The following TULP2 variants were observed in gnomAD, a reference collection of about 807,000 sequenced individuals.
TULP2 encodes the protein TUB like protein 2.
In TULP2, 64 loss-of-function variants were observed where a neutral mutation model predicts 60.3. The observed-to-expected ratio is 1.06, with a 90% CI of 0.87 to 1.31. The LOEUF (loss-of-function observed/expected upper bound fraction) is 1.31. TULP2 is among the 50% of genes most tolerant of loss of function. The pLI is 0.00. For synonymous variants in TULP2, 267 were observed against 265.4 expected (o/e 1.01, Z -0.06); for missense variants, 652 against 667.0 (o/e 0.98, Z 0.25).
rs951527620 is a variant in TULP2 at position 48,896,446 on chromosome 19, G to A, written c.195C>T (p.Arg65=). The A allele has an allele frequency of 1.2e-6, 2 of 1,609,222 alleles. No homozygotes were observed. The highest frequency in any genetic ancestry group is 1.7e-6 in the Non-Finnish European group (2 of 1,178,486). Residue 65 remains arginine (R), a synonymous_variant, in exon 4 of 13, where the codon CGC becomes CGT. Coordinates refer to ENST00000221399, the MANE Select transcript of TULP2 (RefSeq NM_003323.3). ...WLWRSCLREE[R]LLGDRGLGNP... The stretch of plus-strand genomic sequence containing the variant: ...TTTGGTCACCTCTGTCACCTAAAAG[G>A]CGCTCCTCCCGCAGACAAGAGCGCC...
chr19:48,884,366 C>T (rs1178006091), intron 9 of TULP2, among the ~76,000 whole-genome samples: 1 of 152,076 alleles, frequency 6.6e-6, no homozygotes, highest in Non-Finnish European at 1.5e-5. Context: ...ATCACCTGAG[C>T]CCCAGAGGTC....
At chr19:48,887,042 G>A (rs1342391776) in intron 8 of TULP2, among the ~76,000 whole-genome samples, 3 of 131,600 alleles carry the variant, frequency 2.3e-5, no homozygotes, top group East Asian at 2.2e-4. Flanking sequence ...ATGGAGTTTC[G>A]CTCTTTCACC....
intron 1 of TULP2, among the ~76,000 whole-genome samples, 164 bp from the exon 2 acceptor site, chr19:48,898,033 C>T (rs910007971): frequency 4.6e-5 from 7 of 151,944 alleles, no homozygotes; most frequent in Admixed American, 2.0e-4. Context: ...AGTGCAGTGG[C>T]GCCATCTCGG....
intron 5 of TULP2, 21 bp from the exon 6 acceptor site, chr19:48,895,183 G>A: frequency 1.2e-6 from 2 of 1,609,960 alleles, no homozygotes; most frequent in South Asian, 1.1e-5. Context: ...AAGGAGGGGA[G>A]AGTTGGATTT....
chr19:48,896,548 C>G lies in TULP2; in HGVS notation c.93G>C (p.Leu31=), dbSNP rs2037283985. 6.2e-7 allele frequency: 1 copy of G among 1,601,266 alleles called. No homozygotes were observed. The highest frequency in any genetic ancestry group is 8.5e-7 in the Non-Finnish European group (1 of 1,174,096). ...RLQKLEQQRR[L]FEKKQRQKRQ... is the part of the protein sequence containing the mutation. The stretch of plus-strand genomic sequence containing the variant: ...GCTTCTGTCGCTGCTTCTTTTCAAA[C>G]AGCCGCCGCTGGGGAGATGGGAGAG... The change falls in exon 4 of 13, where the codon CTG becomes CTC. Residue 31 remains leucine, a synonymous_variant. Coordinates refer to ENST00000221399, the MANE Select transcript of TULP2 (RefSeq NM_003323.3).
chr19:48,889,354 G>A lies in TULP2; in HGVS notation c.636+156C>T, dbSNP rs141578906. On this transcript the variant is annotated intron_variant, in intron 7 of 12. Transcript: ENST00000221399. ...GGTACACACACACACATGCACGCAC[G>A]CACGCACGCACGCACACACACAAGT... Among the ~76,000 whole-genome samples, 137 of 152,024 alleles carry A rather than the reference G, an allele frequency of 9.0e-4. No homozygotes were observed. In the Middle Eastern group the frequency reaches 0.014, roughly 15 times the overall value.
rs759406915 is a variant in TULP2 at position 48,887,913 on chromosome 19, G to A, written c.948+37C>T. 4 of 1,585,824 alleles carry A rather than the reference G, an allele frequency of 2.5e-6. No homozygotes were observed. The Admixed American group carries it at 6.8e-5, about 27-fold the overall frequency. ...AGTGGGATTTTGCCTGGGAGGTGGG[G>A]GCTTACTCCCAAAGCTGTTGGGCTG... On this transcript the variant is annotated intron_variant, in intron 8 of 12. Coordinates refer to ENST00000221399, the MANE Select transcript of TULP2 (RefSeq NM_003323.3).
At chr19:48,887,345 T>TTTTTTTTTTTTTTTTTTTTTTG in intron 8 of TULP2, among the ~76,000 whole-genome samples, 1 of 91,900 alleles carries the variant, frequency 1.1e-5, no homozygotes, top group Non-Finnish European at 2.0e-5. Flanking sequence ...TTTTTTTTTA[T>TTTTTTTTTTTTTTTTTTTTTTG]GCAGAGTCTA....
chr19:48,892,228 G>A lies in TULP2; in HGVS notation c.515-2597C>T, dbSNP rs918882977. 2.0e-5 allele frequency among the ~76,000 whole-genome samples: 3 copies of A among 152,370 alleles called. No individual in the cohort carries two copies. In the South Asian group the frequency reaches 6.2e-4, roughly 32 times the overall value. On this transcript the variant is annotated intron_variant, in intron 6 of 12. Coordinates refer to ENST00000221399, the MANE Select transcript of TULP2 (RefSeq NM_003323.3). The stretch of plus-strand genomic sequence containing the variant: ...TCCCTTCCCACGAGGCCATATCTCA[G>A]GCTGTCTCAGTCGGGGAAATCCTGG...
intron 6 of TULP2, among the ~76,000 whole-genome samples, chr19:48,893,696 G>A (rs911115213): frequency 1.3e-5 from 2 of 152,034 alleles, no homozygotes; most frequent in African/African-American, 4.8e-5. Context: ...TAGGATTACA[G>A]GTGCATGCCA....
chr19:48,888,949 C>G (rs2037208074), intron 7 of TULP2, among the ~76,000 whole-genome samples: 1 of 149,442 alleles, frequency 6.7e-6, no homozygotes, highest in South Asian at 2.1e-4. Context: ...GATCAGTGTT[C>G]TGCCCTTTCT....
intron 6 of TULP2, among the ~76,000 whole-genome samples, chr19:48,890,621 G>A (rs1170495454): frequency 6.6e-6 from 1 of 152,148 alleles, no homozygotes; most frequent in African/African-American, 2.4e-5. Flanking sequence ...AAGAAGCCTG[G>A]ACTAAGCTCA....
intron 10 of TULP2, 26 bp downstream of exon 10, chr19:48,883,906 C>T (rs1184188051): frequency 1.7e-5 from 28 of 1,613,680 alleles, no homozygotes; most frequent in Non-Finnish European, 2.3e-5. Flanking sequence ...TATCCTACCC[C>T]ATTCTCTCAT....
rs148545890 is a variant in TULP2 at position 48,897,119 on chromosome 19, A to G, written c.84+226T>C. Among the ~76,000 whole-genome samples, 1,705 of 152,010 alleles carry G rather than the reference A, an allele frequency of 0.011. 24 individuals carry two copies. The highest frequency in any genetic ancestry group is 0.038 in the African/African-American group (1,594 of 41,478). On this transcript the variant is annotated intron_variant, in intron 3 of 12. Transcript: ENST00000221399. The surrounding 1 kb of genome is among the most constrained non-coding windows in gnomAD (Gnocchi z 4.0). The stretch of plus-strand genomic sequence containing the variant: ...TGGCCAGGCTTGTCTTGAACTCCTG[A>G]CCTCAAGTGATCCGCCCACCTCAGC...
intron 9 of TULP2, 76 bp from the exon 10 acceptor site, chr19:48,884,122 C>T: frequency 8.5e-7 from 1 of 1,176,768 alleles, no homozygotes; most frequent in Non-Finnish European, 1.2e-6. Flanking sequence ...ATCGCATCGA[C>T]TCTTCCCATC....
rs374853026 is a variant in TULP2 at position 48,897,431 on chromosome 19, A to C, written c.33-35T>G. 3.1e-6 allele frequency: 5 copies of C among 1,610,652 alleles called. No individual in the cohort carries two copies. The highest frequency in any genetic ancestry group is 4.2e-6 in the Non-Finnish European group (5 of 1,178,170). ...ACACAGGCCCATGGTGACAGTGCACAGGGAACCTCGGTTGCCCAAGAGAGT... is the reference window on the plus strand; with the variant it reads ...ACACAGGCCCATGGTGACAGTGCACCGGGAACCTCGGTTGCCCAAGAGAGT... On this transcript the variant is annotated intron_variant, in intron 2 of 12. Transcript: ENST00000221399. This position sits in a 1 kb window ranked among gnomAD's most constrained non-coding sequence, Gnocchi z 4.0.
chr19:48,897,851 G>A lies in TULP2; in HGVS notation c.18C>T (p.Asp6=), dbSNP rs1446155180. The change falls in exon 2 of 13, where the codon GAC becomes GAT. Residue 6 remains aspartate (D), a synonymous_variant. Transcript: ENST00000221399. The surrounding 1 kb of genome is among the most constrained non-coding windows in gnomAD (Gnocchi z 4.0). MSQDN[D]TLMRDILGHE... ...TCCCTACTCACTCTCTCATCAATGT[G>A]TCATTATCCTGAGACATTCTGCAGA... 2 of 1,613,500 alleles carry A rather than the reference G, an allele frequency of 1.2e-6. No homozygotes were observed. The highest frequency in any genetic ancestry group is 2.2e-5 in the South Asian group (2 of 90,968).
At position 48,884,040 on chromosome 19, in the gene TULP2, A is replaced by G; in HGVS notation, c.1068T>C (p.Asn356=). The G allele has an allele frequency of 6.2e-7, 1 of 1,613,626 alleles. No homozygotes were observed. Among genetic ancestry groups the G allele is most frequent in the Non-Finnish European group, 8.5e-7 (1 of 1,179,642 alleles). The change falls in exon 10 of 13, where the codon AAT becomes AAC. Residue 356 remains asparagine (N), a synonymous_variant. Coordinates refer to ENST00000221399, the MANE Select transcript of TULP2 (RefSeq NM_003323.3). ...GDNFVGKVRS[N]VFSTKFTIFD... is the part of the protein sequence containing the mutation. Reference sequence around the variant, plus strand: ...AGATGGTGAACTTGGTGCTGAAGACATTGGATCTGCTCCAGGAAGGGAATG... The same window carrying G: ...AGATGGTGAACTTGGTGCTGAAGACGTTGGATCTGCTCCAGGAAGGGAATG...
rs377184797 is a variant in TULP2 at position 48,885,541 on chromosome 19, C to T, written c.968G>A (p.Arg323Gln). Residue 323 changes from arginine to glutamine, a missense_variant, in exon 9 of 13, where the codon CGA becomes CAA. By Grantham distance (43) the Arg-to-Gln change is conservative. Transcript: ENST00000221399. Reference protein sequence around the residue: ...DSLQRFLLAGRKRRRSKTSNY... With the variant: ...DSLQRFLLAGQKRRRSKTSNY... ...AGAAGTTTTGCTCCTTCTTCTCTTT[C>T]GCCCAGCCAGGAGGAAGCGCTATGG... is the stretch of plus-strand genomic sequence containing the variant. 11 of 1,613,888 alleles carry T rather than the reference C, an allele frequency of 6.8e-6. No homozygotes were observed. The highest frequency in any genetic ancestry group is 2.7e-5 in the African/African-American group (2 of 75,008).
Sources: allele counts gnomAD v4.1 joint callset (sites outside exome capture counted in the v4.1 genomes callset), GRCh38; gene constraint gnomAD v4.1.1; non-coding constraint Gnocchi (gnomAD v3.1); transcripts MANE v1.5; gene names NCBI Gene and HGNC (gene_info 2026-07-23, HGNC 2026-07-21).